VBP1: variants seen among roughly 807,000 people sequenced by gnomAD.
VBP1 encodes the protein prefoldin subunit 3.
Under a neutral mutation model 15.5 loss-of-function variants are expected in VBP1, and 4 were observed. The observed-to-expected ratio is 0.26, with a 90% CI of 0.13 to 0.59. The LOEUF is 0.59. VBP1 is among the 20% of genes least tolerant of loss of function. The pLI, the probability that VBP1 is intolerant of heterozygous loss-of-function variation, is 0.90. For synonymous variants in VBP1, 61 were observed against 52.1 expected, an observed-to-expected ratio of 1.17 and a Z score of -0.74; for missense variants, 108 against 139.6, an observed-to-expected ratio of 0.77 and a Z score of 1.14.
chrX:155,217,295 C>T (rs949068077), intron 1 of VBP1, among the ~76,000 whole-genome samples: 1 of 111,986 alleles, frequency 8.9e-6, no homozygotes, highest in African/African-American at 3.3e-5. Flanking sequence ...TCGGGTTGCT[C>T]CACAGGCCGT....
chrX:155,219,175 G>A (rs1259757043), intron 1 of VBP1, among the ~76,000 whole-genome samples: 2 of 111,723 alleles, frequency 1.8e-5, no homozygotes, highest in South Asian at 3.7e-4. Flanking sequence ...TAGTAAATAT[G>A]GATAAGAATA....
At chrX:155,235,986 T>G (rs1024661502) in intron 4 of VBP1, among the ~76,000 whole-genome samples, 15 of 112,225 alleles carry the variant, frequency 1.3e-4, no homozygotes, top group Non-Finnish European at 2.4e-4. Flanking sequence ...AAACTTTCTG[T>G]AAAAGGTCAA....
chrX:155,197,833 G>A lies in VBP1; in HGVS notation c.-31+694G>A, dbSNP rs782466413. 1.4e-4 allele frequency among the ~76,000 whole-genome samples: 16 copies of A among 112,677 alleles called. 1 individual carries two copies. In the Admixed American group the frequency reaches 1.5e-3, roughly 10 times the overall value. On this transcript the variant is annotated intron_variant, in intron 1 of 6. Coordinates refer to the VBP1 transcript ENST00000535916. ...TTGCCTCACTTGGGAAGTGCAAGGG[G>A]TCAGGGAGTTCCCTTTACTAGTCAA...
In VBP1 at chrX:155,236,348, A is replaced by G. The variant is rs371736428; in HGVS notation, c.504A>G (p.Gln168=). 35 of 1,207,660 alleles carry G rather than the reference A, an allele frequency of 2.9e-5. No individual in the cohort carries two copies. Among genetic ancestry groups the G allele is most frequent in the Non-Finnish European group, 3.9e-5 (35 of 894,260 alleles). The change falls in exon 5 of 6, where the codon CAA becomes CAG. Residue 168 remains glutamine (Q), a synonymous_variant. Coordinates refer to ENST00000286428, the MANE Select transcript of VBP1 (RefSeq NM_003372.7). The part of the protein sequence containing the change: ...LEEDLDFLRD[Q]FTTTEVNMAR... ...AAGACCTTGACTTTCTTCGAGATCA[A>G]TTTACTACCACAGAAGTCAGTATCC...
intron 2 of VBP1, among the ~76,000 whole-genome samples, chrX:155,223,422 A>G (rs1602885000): frequency 9.1e-6 from 1 of 109,944 alleles, no homozygotes; most frequent in South Asian, 3.9e-4. Context: ...GCTGCCTTCA[A>G]GCATGTGTTT....
intron 1 of VBP1, 21 bp from the exon 2 acceptor site, chrX:155,220,162 G>A (rs782354233): frequency 1.2e-5 from 14 of 1,185,244 alleles, no homozygotes; most frequent in Non-Finnish European, 1.6e-5. Context: ...AATTTGTAAA[G>A]TATTATTTTT....
At chrX:155,229,842 T>G (rs1445495682) in intron 4 of VBP1, among the ~76,000 whole-genome samples, 2 of 111,941 alleles carry the variant, frequency 1.8e-5, no homozygotes, top group South Asian at 3.7e-4. Context: ...TCTTTGAGTC[T>G]TCTTTGACTC....
chrX:155,231,673 T>A (rs2074747191), intron 4 of VBP1, among the ~76,000 whole-genome samples: 1 of 112,431 alleles, frequency 8.9e-6, no homozygotes, highest in African/African-American at 3.2e-5. Flanking sequence ...CATCTGTATG[T>A]ACCTAAATAT....
chrX:155,206,722 C>G lies in VBP1; in HGVS notation c.-30-2152C>G, dbSNP rs1034476596. Among the ~76,000 whole-genome samples, 5 of 110,808 alleles carry G rather than the reference C, an allele frequency of 4.5e-5. No homozygotes were observed. In the Admixed American group the frequency reaches 4.8e-4, roughly 11 times the overall value. The stretch of plus-strand genomic sequence containing the variant: ...CTGGGGCAAGGAAATGAGAAGGAAC[C>G]TGCAAAAGAGGTGGAAAAGGAGTGG... On this transcript the variant is annotated intron_variant, in intron 1 of 6. Transcript: ENST00000535916.
chrX:155,202,515 A>T (rs1183474241), intron 1 of VBP1, among the ~76,000 whole-genome samples: 1 of 110,222 alleles, frequency 9.1e-6, no homozygotes, highest in Admixed American at 9.7e-5. Context: ...GGAAAGGATT[A>T]CCTATTTAAT....
chrX:155,230,747 G>A (rs1280513641), intron 4 of VBP1, among the ~76,000 whole-genome samples: 2 of 108,500 alleles, frequency 1.8e-5, no homozygotes, highest in African/African-American at 6.8e-5. Context: ...ACAGTGTTGT[G>A]ATCTCAGCTC....
At chrX:155,237,254 G>A (rs966089947) in intron 5 of VBP1, among the ~76,000 whole-genome samples, 4 of 110,763 alleles carry the variant, frequency 3.6e-5, no homozygotes, top group African/African-American at 1.3e-4. Flanking sequence ...ACAAAATCAC[G>A]GGAGTCACCT....
intron 1 of VBP1, among the ~76,000 whole-genome samples, chrX:155,199,866 C>A (rs1557307166): frequency 8.9e-6 from 1 of 112,344 alleles, no homozygotes; most frequent in Admixed American, 9.4e-5. Context: ...GGAAACCCAT[C>A]TCTTGTGCAG....
At chrX:155,220,744 A>G (rs1393254919) in intron 2 of VBP1, among the ~76,000 whole-genome samples, 1 of 112,348 alleles carries the variant, frequency 8.9e-6, no homozygotes, top group African/African-American at 3.2e-5. Context: ...ACATTATTTT[A>G]TATAGCTTAT....
upstream of VBP1, among the ~76,000 whole-genome samples, chrX:155,213,969 T>C (rs1331547164): frequency 8.9e-6 from 1 of 111,912 alleles, no homozygotes; most frequent in Non-Finnish European, 1.9e-5. Context: ...GCTACAGAAA[T>C]TGGTAGATGC....
At chrX:155,230,764 A>T (rs2074742293) in intron 4 of VBP1, among the ~76,000 whole-genome samples, 2 of 109,044 alleles carry the variant, frequency 1.8e-5, no homozygotes, top group South Asian at 8.0e-4. Context: ...GCTCACTGCA[A>T]CCTCTGTCTC....
intron 2 of VBP1, among the ~76,000 whole-genome samples, chrX:155,224,002 C>T (rs782461138): frequency 6.6e-5 from 7 of 105,706 alleles, no homozygotes; most frequent in East Asian, 3.0e-4. Flanking sequence ...ACATCTCAGA[C>T]GGGGTGGCTG....
chrX:155,202,541 A>C, intron 1 of VBP1, among the ~76,000 whole-genome samples: 1 of 109,878 alleles, frequency 9.1e-6, no homozygotes, highest in Non-Finnish European at 1.9e-5. Context: ...GTGCCGGGAA[A>C]ACTGGCTAGC....
At chrX:155,209,460 ATAAT>A (rs1442612297) in intron 2 of VBP1, among the ~76,000 whole-genome samples, 2 of 112,601 alleles carry the variant, frequency 1.8e-5, no homozygotes, top group Non-Finnish European at 3.8e-5. Flanking sequence ...AAAGAACGGA[ATAAT>A]TAATTTAGCA....
Sources: gnomAD v4.1 joint callset for allele counts (sites outside exome capture counted in the v4.1 genomes callset) on GRCh38, gnomAD v4.1.1 for gene constraint, MANE v1.5 for transcripts, NCBI Gene and HGNC (gene_info 2026-07-23, HGNC 2026-07-21) for gene names.